LPIN2: variants seen among roughly 807,000 people sequenced by gnomAD.
LPIN2 encodes lipin 2.
In LPIN2, 55 loss-of-function variants were observed where a neutral mutation model predicts 111.4. That is an observed-to-expected ratio of 0.49 (90% CI 0.40 to 0.62). LPIN2 has a LOEUF of 0.62. Among genes scored for constraint, LPIN2 ranks in the 20% least tolerant of loss-of-function variants. LPIN2 has a pLI of 0.00. For missense variants in LPIN2, 992 were observed against 1,112.1 expected, an observed-to-expected ratio of 0.89 and a Z score of 1.54; for synonymous variants, 425 against 414.0, an observed-to-expected ratio of 1.03 and a Z score of -0.32.
intron 3 of LPIN2, among the ~76,000 whole-genome samples, chr18:2,952,411 G>A (rs555299261): frequency 5.1e-4 from 78 of 152,250 alleles, no homozygotes; most frequent in African/African-American, 1.8e-3. Context: ...GCAACAGAGC[G>A]AGACTCCATC....
chr18:3,006,366 A>G (rs1329172086), intron 1 of LPIN2, among the ~76,000 whole-genome samples: 1 of 152,184 alleles, frequency 6.6e-6, no homozygotes, highest in African/African-American at 2.4e-5. Flanking sequence ...TTAACAGCTA[A>G]GCCAGTTAGA....
intron 9 of LPIN2, among the ~76,000 whole-genome samples, chr18:2,929,646 C>G (rs1013291917): frequency 6.6e-6 from 1 of 152,180 alleles, no homozygotes; most frequent in South Asian, 2.1e-4. Context: ...TGGCTCACAC[C>G]TATAATTCCA....
At chr18:2,984,636 A>G (rs1297345782) in intron 1 of LPIN2, among the ~76,000 whole-genome samples, 1 of 152,106 alleles carries the variant, frequency 6.6e-6, no homozygotes. Context: ...AAGAGATGAG[A>G]AAATATTCAA....
rs57534777 is a variant in LPIN2, at chr18:2,930,033, T to C, written c.1457-875A>G. On this transcript the variant is annotated intron_variant, in intron 9 of 19. Transcript: ENST00000677752. Reference sequence around the variant, plus strand: ...GGTCTGTGAAATAAATCCCAAGTTCTTGCAGAGTGAATGAGGGCTTCCCAT... The same window carrying C: ...GGTCTGTGAAATAAATCCCAAGTTCCTGCAGAGTGAATGAGGGCTTCCCAT... Among the ~76,000 whole-genome samples, 172 of 152,344 alleles carry C rather than the reference T, an allele frequency of 1.1e-3. 1 individual carries two copies. The highest frequency in any genetic ancestry group is 3.9e-3 in the African/African-American group (162 of 41,580).
chr18:2,990,180 G>A (rs763850747), intron 1 of LPIN2, among the ~76,000 whole-genome samples: 85 of 152,032 alleles, frequency 5.6e-4, no homozygotes, highest in Non-Finnish European at 1.1e-3. Context: ...AACTCAAAAT[G>A]GATTAATGAC....
chr18:2,935,297 A>T (rs1047750928), intron 7 of LPIN2, among the ~76,000 whole-genome samples: 1 of 151,798 alleles, frequency 6.6e-6, no homozygotes, highest in Non-Finnish European at 1.5e-5. Flanking sequence ...CAATGAGATG[A>T]TTCAAAATTA....
chr18:2,944,773 T>C (rs2077424004), intron 4 of LPIN2, among the ~76,000 whole-genome samples: 1 of 152,194 alleles, frequency 6.6e-6, no homozygotes, highest in African/African-American at 2.4e-5. Flanking sequence ...CAGTAACAAT[T>C]AGTCATAACA....
intron 7 of LPIN2, 109 bp from the exon 8 acceptor site, chr18:2,934,559 G>T: frequency 1.3e-6 from 1 of 749,042 alleles, no homozygotes; most frequent in Non-Finnish European, 2.3e-6. Context: ...GATTTGAATA[G>T]GGTTTTAATT....
chr18:2,953,073 A>G lies in LPIN2; in HGVS notation c.288+1431T>C, dbSNP rs1046935624. On this transcript the variant is annotated intron_variant, in intron 3 of 19. Coordinates refer to ENST00000677752, the MANE Select transcript of LPIN2 (RefSeq NM_001375808.2). ...CATGTGGCATAGAGTAGTAATTCCA[A>G]CATTTGTTGGATAAATTAACAATTT... Among the ~76,000 whole-genome samples, 6 of 152,230 alleles carry G rather than the reference A, an allele frequency of 3.9e-5. No homozygotes were observed. The East Asian group carries it at 9.6e-4, about 24-fold the overall frequency.
At chr18:2,960,068 G>C (rs1399582940) in intron 2 of LPIN2, among the ~76,000 whole-genome samples, 2 of 152,186 alleles carry the variant, frequency 1.3e-5, no homozygotes, top group African/African-American at 4.8e-5. Flanking sequence ...CACTTGGGAG[G>C]CTGAGGCAGG....
chr18:2,986,718 T>C (rs967223427), intron 1 of LPIN2, among the ~76,000 whole-genome samples: 1 of 152,190 alleles, frequency 6.6e-6, no homozygotes, highest in African/African-American at 2.4e-5. Context: ...ACACAAATGT[T>C]TGAGGTCAAG....
intron 1 of LPIN2, chr18:2,990,725 G>A: frequency 3.1e-6 from 1 of 326,522 alleles, no homozygotes; most frequent in Non-Finnish European, 6.1e-6. Context: ...AGGAAACAGA[G>A]ACAGAATGTC....
intron 1 of LPIN2, among the ~76,000 whole-genome samples, chr18:3,006,560 G>T (rs116560714): frequency 4.6e-5 from 7 of 151,992 alleles, no homozygotes; most frequent in African/African-American, 1.7e-4. Flanking sequence ...AGCATGGGCC[G>T]GGCGCAGCGG....
chr18:2,996,470 T>A (rs986044443), intron 1 of LPIN2, among the ~76,000 whole-genome samples: 17 of 8,262 alleles, frequency 2.1e-3, no homozygotes, highest in Admixed American at 0.014. Flanking sequence ...AAAATATCTT[T>A]TTTTTTTTTT....
intron 1 of LPIN2, among the ~76,000 whole-genome samples, chr18:3,009,118 G>A (rs959987955): frequency 6.6e-6 from 1 of 151,982 alleles, no homozygotes; most frequent in Non-Finnish European, 1.5e-5. Flanking sequence ...GAATTGTTTC[G>A]GCCAGGCGCG....
At chr18:2,966,594 T>C (rs576065581) in intron 1 of LPIN2, among the ~76,000 whole-genome samples, 2 of 152,310 alleles carry the variant, frequency 1.3e-5, no homozygotes, top group East Asian at 1.9e-4. Flanking sequence ...TAAGTAAACA[T>C]GATAAAAGCC....
intron 4 of LPIN2, chr18:2,946,021 T>A (rs765671373): frequency 8.7e-6 from 12 of 1,383,720 alleles, no homozygotes; most frequent in South Asian, 1.2e-5. Context: ...TACACAGACT[T>A]CTTCTAGACT....
chr18:2,999,478 G>A (rs964569980), intron 1 of LPIN2, among the ~76,000 whole-genome samples: 9 of 151,964 alleles, frequency 5.9e-5, no homozygotes, highest in Admixed American at 2.6e-4. Context: ...GGTTGCAGGC[G>A]CCTGTAGTCC....
intron 1 of LPIN2, chr18:2,972,466 C>A (rs1040378468): frequency 6.6e-6 from 1 of 152,064 alleles, no homozygotes; most frequent in African/African-American, 2.4e-5. Context: ...CTGACTTTTA[C>A]GAAAATGCCC....
Sources: gnomAD v4.1 joint callset for allele counts (sites outside exome capture counted in the v4.1 genomes callset) on GRCh38, gnomAD v4.1.1 for gene constraint, MANE v1.5 for transcripts, NCBI Gene and HGNC (gene_info 2026-07-23, HGNC 2026-07-21) for gene names.